The following LARGE1 variants were observed in gnomAD, a reference collection of about 807,000 sequenced individuals.
The protein encoded by LARGE1 is xylosyl- and glucuronyltransferase LARGE1.
LARGE1 carries 43 observed loss-of-function variants against 87.6 expected under a neutral mutation model. The ratio of observed to expected loss-of-function variants is 0.49; its 90% CI spans 0.38 to 0.63. The LOEUF is 0.63. Among genes scored for constraint, LARGE1 ranks in the 30% least tolerant of loss-of-function variants. The pLI, the probability that LARGE1 is intolerant of heterozygous loss-of-function variation, is 0.00. For synonymous variants in LARGE1, 434 were observed against 394.6 expected, an observed-to-expected ratio of 1.10 and a Z score of -1.18; for missense variants, 802 against 1,000.2, an observed-to-expected ratio of 0.80 and a Z score of 2.67.
intron 2 of LARGE1, among the ~76,000 whole-genome samples, chr22:33,664,766 C>T (rs928250274): frequency 2.0e-5 from 3 of 152,046 alleles, no homozygotes; most frequent in East Asian, 1.9e-4. Flanking sequence ...CGGGAGGCTG[C>T]GGCAGAAGAA....
chr22:33,884,780 G>C (rs1601848391), intron 1 of LARGE1, among the ~76,000 whole-genome samples: 1 of 152,302 alleles, frequency 6.6e-6, no homozygotes, highest in East Asian at 1.9e-4. Flanking sequence ...AAAGGACAAT[G>C]ACAGGAGCAA....
intron 5 of LARGE1, among the ~76,000 whole-genome samples, chr22:33,584,077 G>C (rs1397785412): frequency 6.6e-6 from 1 of 152,118 alleles, no homozygotes; most frequent in Non-Finnish European, 1.5e-5. Flanking sequence ...AAAAAGAGAA[G>C]GAAGTGTCAG....
the LARGE1 span, among the ~76,000 whole-genome samples, chr22:33,115,898 T>C: frequency 2.0e-5 from 3 of 149,276 alleles, no homozygotes; most frequent in Non-Finnish European, 4.5e-5. Flanking sequence ...AAAGTGACCA[T>C]CTGTAAGACA....
chr22:33,414,374 A>G (rs1043978403), intron 7 of LARGE1, among the ~76,000 whole-genome samples: 2 of 152,184 alleles, frequency 1.3e-5, no homozygotes, highest in East Asian at 3.8e-4. Flanking sequence ...AACAGAAAAT[A>G]TAACTGGAAA....
chr22:33,651,454 A>G (rs577744461), intron 2 of LARGE1, among the ~76,000 whole-genome samples: 16 of 151,588 alleles, frequency 1.1e-4, no homozygotes, highest in African/African-American at 3.9e-4. Flanking sequence ...AGCTCTTCCT[A>G]TGCAAACTCC....
At chr22:33,530,416 A>G (rs1047506368) in intron 6 of LARGE1, among the ~76,000 whole-genome samples, 1 of 151,396 alleles carries the variant, frequency 6.6e-6, no homozygotes, top group African/African-American at 2.4e-5. Flanking sequence ...AAACTCACTG[A>G]AAGCTAGCAA....
At chr22:33,890,264 T>A (rs1199011051) in intron 1 of LARGE1, among the ~76,000 whole-genome samples, 1 of 152,246 alleles carries the variant, frequency 6.6e-6, no homozygotes, top group Non-Finnish European at 1.5e-5. Flanking sequence ...ATGCCTCAGA[T>A]GCAAGGCGGG....
At chr22:33,901,834 T>C (rs1012001953) in intron 1 of LARGE1, among the ~76,000 whole-genome samples, 5 of 152,204 alleles carry the variant, frequency 3.3e-5, no homozygotes, top group Non-Finnish European at 7.3e-5. Context: ...CTTTCTAAAA[T>C]TGTACTGAAA....
chr22:33,336,790 G>A (rs1363128814), intron 10 of LARGE1, among the ~76,000 whole-genome samples: 1 of 151,992 alleles, frequency 6.6e-6, no homozygotes, highest in African/African-American at 2.4e-5. Context: ...GGCCGGGCGC[G>A]GTGGCTCACA....
chr22:33,252,114 A>G (rs1927034346), intron 11 of LARGE1, among the ~76,000 whole-genome samples: 1 of 152,252 alleles, frequency 6.6e-6, no homozygotes. Context: ...TATTACCTCT[A>G]TATCTGGGAT....
intron 12 of LARGE1, among the ~76,000 whole-genome samples, chr22:33,301,319 G>C (rs559564417): frequency 1.3e-4 from 20 of 152,258 alleles, no homozygotes; most frequent in African/African-American, 4.6e-4. Context: ...TTGGTGCCTA[G>C]GAATTGTCTA....
intron 1 of LARGE1, among the ~76,000 whole-genome samples, chr22:33,907,464 T>C (rs965280396): frequency 1.4e-4 from 21 of 152,178 alleles, no homozygotes; most frequent in African/African-American, 4.6e-4. Context: ...GCTCTTTAAA[T>C]GGGGAATACT....
intron 6 of LARGE1, among the ~76,000 whole-genome samples, chr22:33,432,802 T>C (rs576366249): frequency 1.3e-5 from 2 of 152,322 alleles, no homozygotes; most frequent in East Asian, 1.9e-4. Flanking sequence ...GAAGAGCCAC[T>C]CTTTGTCCAC....
intron 2 of LARGE1, among the ~76,000 whole-genome samples, chr22:33,683,934 C>G (rs1555996540): frequency 6.6e-6 from 1 of 152,256 alleles, no homozygotes. Context: ...CAGTCTGGTC[C>G]ATGGCAGCAA....
intron 6 of LARGE1, among the ~76,000 whole-genome samples, chr22:33,529,344 G>A (rs1047601010): frequency 6.6e-6 from 1 of 152,170 alleles, no homozygotes; most frequent in African/African-American, 2.4e-5. Context: ...TGTGACTGGG[G>A]TGCATCAAAT....
At chr22:33,400,099 C>A (rs1334979697) in intron 7 of LARGE1, among the ~76,000 whole-genome samples, 1 of 152,224 alleles carries the variant, frequency 6.6e-6, no homozygotes, top group African/African-American at 2.4e-5. Context: ...AGAGGTCCTG[C>A]TCTGAGACAA....
intron 6 of LARGE1, among the ~76,000 whole-genome samples, chr22:33,524,158 GCA>G (rs1423098916): frequency 6.6e-6 from 1 of 151,846 alleles, no homozygotes; most frequent in Non-Finnish European, 1.5e-5. Flanking sequence ...GGGCGTGGTG[GCA>G]CACACCTATA....
the LARGE1 span, among the ~76,000 whole-genome samples, chr22:33,120,095 G>A: frequency 6.6e-6 from 1 of 151,964 alleles, no homozygotes; most frequent in African/African-American, 2.4e-5. Context: ...TAAATATATT[G>A]ACTCTTGCAG....
chr22:33,623,123 T>C (rs2079807722), intron 4 of LARGE1, among the ~76,000 whole-genome samples: 1 of 151,890 alleles, frequency 6.6e-6, no homozygotes, highest in South Asian at 2.1e-4. Flanking sequence ...AAAGGCCCTT[T>C]TCTAGAAAGT....
Sources: allele counts gnomAD v4.1 joint callset (sites outside exome capture counted in the v4.1 genomes callset), GRCh38; gene constraint gnomAD v4.1.1; transcripts MANE v1.5; gene names NCBI Gene and HGNC (gene_info 2026-07-23, HGNC 2026-07-21).